The following RPRD2 variants were observed in gnomAD, a reference collection of about 807,000 sequenced individuals.
RPRD2 encodes regulation of nuclear pre-mRNA domain containing 2, also known as regulation of nuclear pre-mRNA domain-containing protein 2.
Under a neutral mutation model 104.4 loss-of-function variants are expected in RPRD2, and 12 were observed. The ratio of observed to expected loss-of-function variants is 0.11; its 90% CI spans 0.07 to 0.19. RPRD2 has a LOEUF of 0.19. RPRD2 is among the 10% of genes least tolerant of loss of function. The pLI is 1.00. For synonymous variants in RPRD2, 714 were observed against 684.9 expected (o/e 1.04, Z -0.66); for missense variants, 1,543 against 1,790.1 (o/e 0.86, Z 2.49).
intron 1 of RPRD2, among the ~76,000 whole-genome samples, chr1:150,412,698 C>T (rs957449351): frequency 6.6e-6 from 1 of 152,134 alleles, no homozygotes; most frequent in Non-Finnish European, 1.5e-5. Flanking sequence ...AGTGCGAAAT[C>T]ATTGACAGAT....
At chr1:150,441,577 A>T (rs1666406989) in intron 3 of RPRD2, 3 of 251,952 alleles carry the variant, frequency 1.2e-5, no homozygotes, top group Non-Finnish European at 2.3e-5. Flanking sequence ...AATTTGCTTT[A>T]AAAATGGCAT....
At chr1:150,449,993 C>T (rs1553896256) in intron 7 of RPRD2, among the ~76,000 whole-genome samples, 1 of 152,074 alleles carries the variant, frequency 6.6e-6, no homozygotes, top group Admixed American at 6.6e-5. Flanking sequence ...AGATATTCTA[C>T]TAACTAGTCT....
intron 9 of RPRD2, among the ~76,000 whole-genome samples, chr1:150,463,131 CAAT>C (rs1256315207): frequency 6.6e-6 from 1 of 152,130 alleles, no homozygotes; most frequent in Non-Finnish European, 1.5e-5. Context: ...GTTGGGATTA[CAAT>C]CATGAGCCAC....
chr1:150,379,803 T>C (rs1465779326), intron 1 of RPRD2, among the ~76,000 whole-genome samples: 2 of 152,252 alleles, frequency 1.3e-5, no homozygotes, highest in African/African-American at 4.8e-5. Context: ...CCCTAAGTAC[T>C]GGGATTACAG....
At position 150,472,906 on chromosome 1, in the gene RPRD2, G is replaced by T; in HGVS notation, c.3958G>T (p.Ala1320Ser). The T allele has an allele frequency of 6.2e-7, 1 of 1,613,298 alleles. No individual in the cohort carries two copies. The highest frequency in any genetic ancestry group is 8.5e-7 in the Non-Finnish European group (1 of 1,179,608). ...PPLAEHGVAGAVAVFPKDHSS... is the reference protein window; with the variant it reads ...PPLAEHGVAGSVAVFPKDHSS... The stretch of plus-strand genomic sequence containing the variant: ...ACTGGCAGAGCACGGAGTGGCAGGG[G>T]CTGTGGCAGTATTTCCCAAGGACCA... The change falls in exon 11 of 11, where the codon GCT (alanine) becomes TCT (serine). Residue 1320 changes from alanine (A) to serine (S), a missense_variant. Coordinates refer to ENST00000369068, the MANE Select transcript of RPRD2 (RefSeq NM_015203.5).
At chr1:150,395,365 T>TTGTGTGTGTG (rs10524632) in intron 1 of RPRD2, among the ~76,000 whole-genome samples, 15,740 of 143,936 alleles carry the variant, frequency 0.11, 930 homozygotes, top group Non-Finnish European at 0.12. Flanking sequence ...TAGTATTCCA[T>TTGTGTGTGTG]TGTGTGTGTG....
At chr1:150,399,618 G>C (rs926452219) in intron 1 of RPRD2, among the ~76,000 whole-genome samples, 1 of 152,022 alleles carries the variant, frequency 6.6e-6, no homozygotes, top group African/African-American at 2.4e-5. Flanking sequence ...TTAGCCAGGT[G>C]TGATGGTGGG....
intron 3 of RPRD2, 121 bp downstream of exon 3, chr1:150,441,144 T>A: frequency 1.9e-6 from 1 of 527,726 alleles, no homozygotes; most frequent in Non-Finnish European, 3.3e-6. Flanking sequence ...TAGCCCTATT[T>A]GTTTAAAGTT....
At chr1:150,439,839 C>A (rs1666290345) in intron 2 of RPRD2, among the ~76,000 whole-genome samples, 1 of 152,026 alleles carries the variant, frequency 6.6e-6, no homozygotes, top group South Asian at 2.1e-4. Context: ...TGATTCCTCT[C>A]CCTGACAATG....
intron 1 of RPRD2, among the ~76,000 whole-genome samples, chr1:150,415,219 T>A (rs1664245842): frequency 6.6e-6 from 1 of 151,908 alleles, no homozygotes; most frequent in African/African-American, 2.4e-5. Context: ...TAATCCCAGC[T>A]ACTTCGGGAG....
intron 2 of RPRD2, among the ~76,000 whole-genome samples, chr1:150,436,968 G>A (rs185534351): frequency 6.6e-5 from 10 of 152,218 alleles, no homozygotes; most frequent in African/African-American, 2.4e-4. Flanking sequence ...CACTTTGGAA[G>A]TCCGAGATGG....
intron 1 of RPRD2, among the ~76,000 whole-genome samples, chr1:150,387,196 A>T (rs1661628452): frequency 6.6e-6 from 1 of 152,156 alleles, no homozygotes; most frequent in South Asian, 2.1e-4. Flanking sequence ...TCCACGTATA[A>T]GTGAGACCTG....
At chr1:150,462,022 G>A (rs1312634032) in intron 9 of RPRD2, among the ~76,000 whole-genome samples, 4 of 147,992 alleles carry the variant, frequency 2.7e-5, no homozygotes, top group Non-Finnish European at 6.0e-5. Flanking sequence ...GGTGGCTCAC[G>A]CCTGTATTTC....
chr1:150,446,257 A>C lies in RPRD2; in HGVS notation c.726A>C (p.Glu242Asp). Residue 242 changes from glutamate (E) to aspartate (D), a missense_variant, in exon 7 of 11, where the codon GAA becomes GAC. Physicochemically the swap from Glu to Asp is conservative, Grantham distance 45. Transcript: ENST00000369068. Reference protein sequence around the residue: ...DKTGGKKFSKEFEEASSKLEE... With the variant: ...DKTGGKKFSKDFEEASSKLEE... ...CAGGTGGGAAGAAGTTCTCCAAAGA[A>C]TTTGAAGAGGCAAGCTCCAAGCTGG... The C allele has an allele frequency of 1.3e-6, 2 of 1,596,776 alleles. No individual in the cohort carries two copies. The highest frequency in any genetic ancestry group is 1.7e-6 in the Non-Finnish European group (2 of 1,175,016).
chr1:150,373,737 A>G (rs1490911469), intron 1 of RPRD2, among the ~76,000 whole-genome samples: 2 of 152,032 alleles, frequency 1.3e-5, no homozygotes, highest in Non-Finnish European at 2.9e-5. Flanking sequence ...AAAGTGTACA[A>G]TTCAATTGTT....
chr1:150,450,605 CAAAAA>C (rs1186175962), intron 7 of RPRD2, among the ~76,000 whole-genome samples: 1 of 50,564 alleles, frequency 2.0e-5, no homozygotes, highest in Non-Finnish European at 3.4e-5. Context: ...GACTCCGTCT[CAAAAA>C]AAAAAAAAAA....
At chr1:150,399,630 G>A (rs937706850) in intron 1 of RPRD2, among the ~76,000 whole-genome samples, 1 of 151,944 alleles carries the variant, frequency 6.6e-6, no homozygotes, top group Non-Finnish European at 1.5e-5. Context: ...GATGGTGGGC[G>A]CCTGTAATCC....
intron 1 of RPRD2, among the ~76,000 whole-genome samples, chr1:150,403,109 C>G (rs993905144): frequency 2.0e-5 from 3 of 152,122 alleles, no homozygotes; most frequent in Admixed American, 1.3e-4. Context: ...AATAAATGTA[C>G]CAACCTAAGT....
At chr1:150,418,132 T>G (rs1360511701) in intron 2 of RPRD2, among the ~76,000 whole-genome samples, 1 of 152,096 alleles carries the variant, frequency 6.6e-6, no homozygotes, top group Non-Finnish European at 1.5e-5. Flanking sequence ...CATGTCCGGC[T>G]AATTTTTTGT....
Sources: gnomAD v4.1 joint callset for allele counts (sites outside exome capture counted in the v4.1 genomes callset) on GRCh38, gnomAD v4.1.1 for gene constraint, MANE v1.5 for transcripts, NCBI Gene and HGNC (gene_info 2026-07-23, HGNC 2026-07-21) for gene names.